FRMD4B: variants seen among roughly 807,000 people sequenced by gnomAD.
FRMD4B encodes the protein FERM domain-containing protein 4B.
Under a neutral mutation model 141.5 loss-of-function variants are expected in FRMD4B, and 74 were observed. The ratio of observed to expected loss-of-function variants is 0.52; its 90% CI spans 0.43 to 0.63. FRMD4B has a LOEUF of 0.63. FRMD4B is among the 30% of genes least tolerant of loss of function. The pLI, the probability that FRMD4B is intolerant of heterozygous loss-of-function variation, is 0.00. For synonymous variants in FRMD4B, 506 were observed against 467.9 expected, an observed-to-expected ratio of 1.08 and a Z score of -1.05; for missense variants, 1,366 against 1,253.4, an observed-to-expected ratio of 1.09 and a Z score of -1.36.
At chr3:69,432,064 C>T (rs1331667039) in intron 2 of FRMD4B, among the ~76,000 whole-genome samples, 1 of 152,102 alleles carries the variant, frequency 6.6e-6, no homozygotes, top group African/African-American at 2.4e-5. Flanking sequence ...ATTCCATCCC[C>T]CTCTTATTAT....
intron 11 of FRMD4B, among the ~76,000 whole-genome samples, chr3:69,201,416 T>C (rs971711828): frequency 6.6e-6 from 1 of 152,156 alleles, no homozygotes; most frequent in Non-Finnish European, 1.5e-5. Context: ...TTTAGGACTC[T>C]TGGAATTTCT....
At chr3:69,223,502 G>A (rs761507944) in intron 8 of FRMD4B, among the ~76,000 whole-genome samples, 122 of 151,998 alleles carry the variant, frequency 8.0e-4, no homozygotes, top group Non-Finnish European at 1.5e-3. Context: ...GTGACAGGGG[G>A]AGACTCCGTC....
intron 11 of FRMD4B, among the ~76,000 whole-genome samples, chr3:69,204,470 A>G (rs1340785758): frequency 2.0e-5 from 3 of 152,190 alleles, no homozygotes; most frequent in African/African-American, 7.2e-5. Flanking sequence ...GCAGTGTATG[A>G]CTATACATCA....
intron 2 of FRMD4B, among the ~76,000 whole-genome samples, chr3:69,431,400 C>T (rs954729455): frequency 2.0e-5 from 3 of 152,150 alleles, no homozygotes. Context: ...CAAATATGCC[C>T]AGAGTTAAAG....
intron 2 of FRMD4B, among the ~76,000 whole-genome samples, chr3:69,416,793 C>G (rs1215587877): frequency 6.6e-6 from 1 of 152,130 alleles, no homozygotes; most frequent in Non-Finnish European, 1.5e-5. Flanking sequence ...TGAGTGAGAA[C>G]ATGTGGTGTT....
chr3:69,479,264 T>G (rs932742236), intron 1 of FRMD4B, among the ~76,000 whole-genome samples: 6 of 150,728 alleles, frequency 4.0e-5, no homozygotes, highest in Admixed American at 6.6e-5. Context: ...GTTAGCTGGT[T>G]ATTTTGTTCG....
intron 2 of FRMD4B, among the ~76,000 whole-genome samples, chr3:69,423,921 T>C (rs902471316): frequency 6.6e-6 from 1 of 152,188 alleles, no homozygotes; most frequent in Non-Finnish European, 1.5e-5. Flanking sequence ...AATACATTTC[T>C]GTTGTTTATA....
chr3:69,172,367 T>C (rs1264478896), intron 22 of FRMD4B, among the ~76,000 whole-genome samples: 1 of 152,198 alleles, frequency 6.6e-6, no homozygotes, highest in Non-Finnish European at 1.5e-5. Context: ...TGGTTTTGTA[T>C]CTAATTTAGT....
chr3:69,215,752 T>C (rs544518991), intron 11 of FRMD4B, among the ~76,000 whole-genome samples: 2 of 152,346 alleles, frequency 1.3e-5, no homozygotes, highest in East Asian at 3.9e-4. Flanking sequence ...GGTCATGTCT[T>C]TATTATTCAT....
intron 1 of FRMD4B, among the ~76,000 whole-genome samples, chr3:69,457,567 A>G (rs561639134): frequency 6.6e-6 from 1 of 152,308 alleles, no homozygotes; most frequent in Admixed American, 6.5e-5. Flanking sequence ...AAATGGTAAC[A>G]TGGCCGAGGT....
chr3:69,279,454 T>C (rs2093633617), intron 5 of FRMD4B, among the ~76,000 whole-genome samples: 1 of 152,180 alleles, frequency 6.6e-6, no homozygotes, highest in Non-Finnish European at 1.5e-5. Flanking sequence ...TTTCTATGTG[T>C]TGAGTTCTTT....
At chr3:69,470,708 A>C (rs1705872208) in intron 1 of FRMD4B, among the ~76,000 whole-genome samples, 1 of 152,158 alleles carries the variant, frequency 6.6e-6, no homozygotes, top group Non-Finnish European at 1.5e-5. Context: ...AAGCAGTTTC[A>C]GTAACCAGGC....
intron 4 of FRMD4B, among the ~76,000 whole-genome samples, chr3:69,296,067 G>A (rs1030601773): frequency 7.9e-5 from 12 of 151,998 alleles, no homozygotes; most frequent in Admixed American, 2.6e-4. Context: ...CACCCATCTT[G>A]GCCTCCCAAA....
chr3:69,542,220 C>T (rs1244239696), exon 1 of FRMD4B: 2 of 152,188 alleles, frequency 1.3e-5, no homozygotes, highest in Non-Finnish European at 2.9e-5. Context: ...TCCGCCACCT[C>T]CTCCCTGCGG....
At chr3:69,396,718 A>C (rs956593611) in intron 2 of FRMD4B, among the ~76,000 whole-genome samples, 1 of 152,222 alleles carries the variant, frequency 6.6e-6, no homozygotes, top group Non-Finnish European at 1.5e-5. Flanking sequence ...AATGTGGAAG[A>C]ATTGCCATCT....
chr3:69,267,636 TAGAGAGAGAGAG>T (rs55659743), intron 5 of FRMD4B, among the ~76,000 whole-genome samples: 72 of 32,886 alleles, frequency 2.2e-3, no homozygotes, highest in African/African-American at 7.9e-3. Flanking sequence ...TATATATATA[TAGAGAGAGAGAG>T]AGAGAGAGAG....
At chr3:69,220,412 A>C (rs1414314724) in intron 9 of FRMD4B, among the ~76,000 whole-genome samples, 1 of 152,216 alleles carries the variant, frequency 6.6e-6, no homozygotes, top group African/African-American at 2.4e-5. Context: ...AGTTTACCTT[A>C]ATACCCTTAA....
Position 69,181,095 on chromosome 3 carries a change from GT to G in FRMD4B, c.2654del (p.His885ProfsTer10). Reference sequence around the variant, plus strand: ...AGGCCTTGTGGATGTTTTTGGTGATGTGCTCCGATTTTGCAGCAGCCTTCCT... The same window carrying G: ...AGGCCTTGTGGATGTTTTTGGTGATGGCTCCGATTTTGCAGCAGCCTTCCT... Reference protein sequence around the residue: ...LPRKAAAKSEHITKNIHKALV... With the variant: ...LPRKAAAKSEXITKNIHKALV... On this transcript the variant is annotated frameshift_variant, in exon 21 of 23. Transcript: ENST00000398540. LOFTEE classifies it high-confidence loss of function. 1 of 1,613,992 alleles carries G rather than the reference GT, an allele frequency of 6.2e-7. No homozygotes were observed. Among genetic ancestry groups the G allele is most frequent in the East Asian group, 2.2e-5 (1 of 44,882 alleles).
intron 1 of FRMD4B, among the ~76,000 whole-genome samples, chr3:69,474,515 C>G (rs79842508): frequency 0.017 from 2,603 of 152,180 alleles, 35 homozygotes; most frequent in East Asian, 0.069. Flanking sequence ...GGAAGGAAAG[C>G]CAGGGAAACA....
Sources: gnomAD v4.1 joint callset for allele counts (sites outside exome capture counted in the v4.1 genomes callset) on GRCh38, gnomAD v4.1.1 for gene constraint, MANE v1.5 for transcripts, NCBI Gene and HGNC (gene_info 2026-07-23, HGNC 2026-07-21) for gene names.